The following DACH2 variants were observed in gnomAD, a reference collection of about 807,000 sequenced individuals.
DACH2 encodes dachshund family transcription factor 2.
A neutral mutation model predicts 35.8 loss-of-function variants in DACH2; 17 were observed. The ratio of observed to expected loss-of-function variants is 0.48; its 90% CI spans 0.33 to 0.71. DACH2 has a LOEUF of 0.71. DACH2 is among the 30% of genes least tolerant of loss of function. DACH2 has a pLI of 0.02. For missense variants in DACH2, 469 were observed against 472.7 expected, an observed-to-expected ratio of 0.99 and a Z score of 0.07; for synonymous variants, 195 against 177.3, an observed-to-expected ratio of 1.10 and a Z score of -0.79.
intron 2 of DACH2, among the ~76,000 whole-genome samples, chrX:86,442,982 G>A (rs1402425630): frequency 1.8e-5 from 2 of 111,712 alleles, no homozygotes; most frequent in African/African-American, 6.5e-5. Flanking sequence ...CTATAACTTT[G>A]TAATATATTT....
At chrX:86,540,571 A>G (rs1354103228) in intron 3 of DACH2, among the ~76,000 whole-genome samples, 2 of 112,465 alleles carry the variant, frequency 1.8e-5, no homozygotes, top group African/African-American at 6.4e-5. Context: ...TCTGGTGAAT[A>G]TCCAAATTGT....
chrX:86,305,420 AT>A (rs1450559867), intron 1 of DACH2, among the ~76,000 whole-genome samples: 1 of 112,167 alleles, frequency 8.9e-6, no homozygotes, highest in African/African-American at 3.2e-5. Context: ...AGAAAAAAAA[AT>A]AAACTCAAAA....
intron 2 of DACH2, among the ~76,000 whole-genome samples, chrX:86,449,655 T>A (rs5967730): frequency 9.1e-6 from 1 of 109,505 alleles, no homozygotes. Flanking sequence ...TTTAGCATAT[T>A]TATTACAAGA....
intron 7 of DACH2, among the ~76,000 whole-genome samples, chrX:86,781,692 T>G (rs1251406540): frequency 9.0e-6 from 1 of 110,830 alleles, no homozygotes; most frequent in Non-Finnish European, 1.9e-5. Flanking sequence ...ATGGAATATA[T>G]ATATGGGGAT....
At chrX:86,533,749 T>C (rs752273600) in intron 3 of DACH2, among the ~76,000 whole-genome samples, 6 of 111,845 alleles carry the variant, frequency 5.4e-5, no homozygotes, top group African/African-American at 1.6e-4. Context: ...AGTTGACCAA[T>C]GATTATCAAC....
At chrX:86,165,962 C>A (rs751559020) in intron 1 of DACH2, among the ~76,000 whole-genome samples, 10 of 111,603 alleles carry the variant, frequency 9.0e-5, no homozygotes, top group Non-Finnish European at 1.7e-4. Flanking sequence ...TTTCACAGTT[C>A]AAAGTCTTAG....
chrX:86,521,005 T>C (rs1602604253), intron 3 of DACH2, among the ~76,000 whole-genome samples: 1 of 111,560 alleles, frequency 9.0e-6, no homozygotes, highest in Non-Finnish European at 1.9e-5. Context: ...CACTGGTCTG[T>C]GTGTTTAAGT....
intron 1 of DACH2, among the ~76,000 whole-genome samples, chrX:86,359,443 T>C (rs1319078098): frequency 9.0e-6 from 1 of 111,323 alleles, no homozygotes; most frequent in African/African-American, 3.3e-5. Flanking sequence ...TAAGCTTGTA[T>C]AGTCACATAG....
intron 3 of DACH2, among the ~76,000 whole-genome samples, chrX:86,636,553 C>T (rs750703497): frequency 9.0e-6 from 1 of 111,267 alleles, no homozygotes; most frequent in East Asian, 2.8e-4. Context: ...AGAAATAAGG[C>T]CACACGACTA....
intron 4 of DACH2, among the ~76,000 whole-genome samples, chrX:86,681,594 CCTCT>C (rs113903178): frequency 1.1e-4 from 11 of 96,667 alleles, no homozygotes; most frequent in African/African-American, 1.9e-4. Flanking sequence ...TCTCTTTCTC[CCTCT>C]CTCTCTCTCT....
At chrX:86,538,432 T>C (rs73631960) in intron 3 of DACH2, among the ~76,000 whole-genome samples, 198 of 112,097 alleles carry the variant, frequency 1.8e-3, no homozygotes, top group African/African-American at 6.0e-3. Flanking sequence ...TTCAGGTACT[T>C]GTTATTAACA....
intron 3 of DACH2, among the ~76,000 whole-genome samples, chrX:86,527,919 C>A (rs188371589): frequency 8.9e-6 from 1 of 112,100 alleles, no homozygotes; most frequent in African/African-American, 3.2e-5. Context: ...AACATACTGT[C>A]TCCTGTCTAG....
chrX:86,184,753 C>T (rs1602263724), intron 1 of DACH2, among the ~76,000 whole-genome samples: 1 of 111,862 alleles, frequency 8.9e-6, no homozygotes, highest in Admixed American at 9.5e-5. Flanking sequence ...GTTACACCAT[C>T]GAGTGCTACC....
intron 1 of DACH2, among the ~76,000 whole-genome samples, chrX:86,322,043 C>A (rs1285480989): frequency 1.8e-5 from 2 of 110,624 alleles, no homozygotes; most frequent in Non-Finnish European, 3.8e-5. Context: ...CACTGGGGCA[C>A]TTAGGAGTCA....
At chrX:86,647,455 A>G (rs2040428777) in intron 3 of DACH2, among the ~76,000 whole-genome samples, 2 of 110,969 alleles carry the variant, frequency 1.8e-5, no homozygotes, top group South Asian at 3.7e-4. Context: ...CACCACTTAT[A>G]TGATGAATCT....
At chrX:86,366,264 G>A (rs1456993400) in intron 1 of DACH2, among the ~76,000 whole-genome samples, 1 of 110,777 alleles carries the variant, frequency 9.0e-6, no homozygotes, top group Non-Finnish European at 1.9e-5. Flanking sequence ...AGATGAAAAT[G>A]TACATATAGT....
chrX:86,526,119 A>G (rs1004040436), intron 3 of DACH2, among the ~76,000 whole-genome samples: 1 of 111,489 alleles, frequency 9.0e-6, no homozygotes, highest in African/African-American at 3.3e-5. Context: ...GGATGGCTGT[A>G]CTAAAATAAC....
chrX:86,338,512 A>T (rs761430371), intron 1 of DACH2, among the ~76,000 whole-genome samples: 4 of 112,101 alleles, frequency 3.6e-5, no homozygotes, highest in Middle Eastern at 4.2e-3. Flanking sequence ...ATGTTCTTTG[A>T]AACCAATGAG....
At chrX:86,671,488 A>T (rs1375278266) in intron 4 of DACH2, among the ~76,000 whole-genome samples, 1 of 111,062 alleles carries the variant, frequency 9.0e-6, no homozygotes, top group East Asian at 2.9e-4. Flanking sequence ...TATTCTCATG[A>T]TAGTGAGTGA....
Sources: allele counts gnomAD v4.1 joint callset (sites outside exome capture counted in the v4.1 genomes callset), GRCh38; gene constraint gnomAD v4.1.1; transcripts MANE v1.5; gene names NCBI Gene and HGNC (gene_info 2026-07-23, HGNC 2026-07-21).